CNGB1: variants seen among roughly 807,000 people sequenced by gnomAD.
The protein encoded by CNGB1 is cyclic nucleotide-gated channel beta-1.
In CNGB1, 126 loss-of-function variants were observed where a neutral mutation model predicts 151.7. The ratio of observed to expected loss-of-function variants is 0.83; its 90% CI spans 0.72 to 0.96. The LOEUF is 0.96. Ranked by LOEUF, CNGB1 falls within the 40% of genes least tolerant of loss-of-function variation. CNGB1 has a pLI of 0.00. For synonymous variants in CNGB1, 623 were observed against 635.1 expected, an observed-to-expected ratio of 0.98 and a Z score of 0.29; for missense variants, 1,698 against 1,627.0, an observed-to-expected ratio of 1.04 and a Z score of -0.75.
chr16:57,954,545 G>T, intron 12 of CNGB1: 1 of 354,018 alleles, frequency 2.8e-6, no homozygotes, highest in Non-Finnish European at 4.0e-6. Context: ...CCCAGCTCAG[G>T]ACCCCTGGCT....
At chr16:57,952,771 G>A (rs1458096663) in intron 12 of CNGB1, among the ~76,000 whole-genome samples, 1 of 152,096 alleles carries the variant, frequency 6.6e-6, no homozygotes, top group Non-Finnish European at 1.5e-5. Flanking sequence ...AAAGTGCTGG[G>A]ATGACAGGCA....
chr16:57,901,067 G>GC (rs1274732495), intron 29 of CNGB1, among the ~76,000 whole-genome samples: 1 of 152,070 alleles, frequency 6.6e-6, no homozygotes, highest in African/African-American at 2.4e-5. Context: ...GTTGGGGGGG[G>GC]GGTCTTTGTC....
intron 13 of CNGB1, among the ~76,000 whole-genome samples, chr16:57,950,020 A>G (rs925807270): frequency 1.1e-4 from 17 of 152,350 alleles, no homozygotes; most frequent in African/African-American, 3.1e-4. Context: ...CAGCCATATG[A>G]TGGAATACTA....
intron 16 of CNGB1, among the ~76,000 whole-genome samples, chr16:57,933,423 C>T: frequency 6.6e-6 from 1 of 152,164 alleles, no homozygotes. Context: ...GTACTGTGTC[C>T]CACATTCTGA....
At position 57,963,011 on chromosome 16, in the gene CNGB1, G is replaced by A. The variant is rs1464890085; in HGVS notation, c.344C>T (p.Pro115Leu). The A allele has an allele frequency of 1.2e-5, 19 of 1,613,430 alleles. No individual in the cohort carries two copies. Among genetic ancestry groups the A allele is most frequent in the Non-Finnish European group, 1.4e-5 (16 of 1,179,982 alleles). The change falls in exon 5 of 33, where the codon CCG becomes CTG. Residue 115 changes from proline to leucine, a missense_variant. Coordinates refer to ENST00000251102, the MANE Select transcript of CNGB1 (RefSeq NM_001297.5). ...WLMKGVEKVIPQPVHSITEDP... is the reference protein window; with the variant it reads ...WLMKGVEKVILQPVHSITEDP... ...CTCCGTGATGCTGTGAACAGGCTGCGGGATCACCTTCTCTACGCCCTTCAT... is the reference window on the plus strand; with the variant it reads ...CTCCGTGATGCTGTGAACAGGCTGCAGGATCACCTTCTCTACGCCCTTCAT...
chr16:57,922,964 G>A (rs776242322), intron 18 of CNGB1: 91 of 303,196 alleles, frequency 3.0e-4, no homozygotes, highest in Non-Finnish European at 3.5e-4. Flanking sequence ...TTCAGCAGCA[G>A]GAGCCCTGCA....
intron 14 of CNGB1, among the ~76,000 whole-genome samples, chr16:57,946,963 G>A (rs1277763846): frequency 2.0e-5 from 3 of 152,254 alleles, no homozygotes; most frequent in East Asian, 3.8e-4. Context: ...AGGCTGTCAC[G>A]TGGATGTGTG....
At position 57,911,739 on chromosome 16, in the gene CNGB1, G is replaced by A; in HGVS notation, c.2492+14C>T. On this transcript the variant is annotated intron_variant, in intron 25 of 32. Coordinates refer to ENST00000251102, the MANE Select transcript of CNGB1 (RefSeq NM_001297.5). The stretch of plus-strand genomic sequence containing the variant: ...TCACCCAGGCATGGCCCCAGGGGGA[G>A]GACTGTGGCTCACCTGTTTCCCACG... The A allele has an allele frequency of 1.2e-6, 2 of 1,613,708 alleles. No individual in the cohort carries two copies. The highest frequency in any genetic ancestry group is 1.1e-5 in the South Asian group (1 of 91,046).
At chr16:57,916,732 G>T (rs763396092) in intron 21 of CNGB1, among the ~76,000 whole-genome samples, 1 of 152,158 alleles carries the variant, frequency 6.6e-6, no homozygotes, top group South Asian at 2.1e-4. Flanking sequence ...TAAGGCAGGG[G>T]TGGTGCACGG....
At chr16:57,968,405 G>T (rs1392800119) in intron 1 of CNGB1, among the ~76,000 whole-genome samples, 1 of 152,150 alleles carries the variant, frequency 6.6e-6, no homozygotes, top group Non-Finnish European at 1.5e-5. Flanking sequence ...GCTGAGGCAT[G>T]AGAATCTCTT....
chr16:57,931,615 T>G, intron 17 of CNGB1, 101 bp downstream of exon 17: 2 of 1,368,236 alleles, frequency 1.5e-6, no homozygotes, highest in Non-Finnish European at 2.0e-6. Context: ...GCTGTGTGAT[T>G]TTAGTCCAGC....
Position 57,904,057 on chromosome 16 carries a change from G to T in CNGB1, c.2635-76C>A. The T allele has an allele frequency of 3.5e-6, 5 of 1,421,788 alleles. No individual in the cohort carries two copies. The South Asian group carries it at 4.8e-5, about 14-fold the overall frequency. The allele number at this position is 1,421,788 out of a possible 1,614,324, so 88.1% of individuals were successfully genotyped here. ...GGGCGCTATTCCATGGATTTGGGATGTGTCACTTCACACAGACCACGGGCA... is the reference window on the plus strand; with the variant it reads ...GGGCGCTATTCCATGGATTTGGGATTTGTCACTTCACACAGACCACGGGCA... On this transcript the variant is annotated intron_variant, in intron 26 of 32. Coordinates refer to ENST00000251102, the MANE Select transcript of CNGB1 (RefSeq NM_001297.5).
At chr16:57,925,376 A>C (rs1038376383) in intron 17 of CNGB1, among the ~76,000 whole-genome samples, 1 of 152,238 alleles carries the variant, frequency 6.6e-6, no homozygotes, top group Non-Finnish European at 1.5e-5. Context: ...TAATACAGGA[A>C]TTGAACCTGA....
At chr16:57,914,222 T>C (rs1441432382) in intron 23 of CNGB1, among the ~76,000 whole-genome samples, 2 of 152,194 alleles carry the variant, frequency 1.3e-5, no homozygotes, top group Non-Finnish European at 2.9e-5. Flanking sequence ...GGATCTCACC[T>C]CTGCGTCTGG....
chr16:57,941,765 A>C (rs1961674915), intron 14 of CNGB1, among the ~76,000 whole-genome samples: 1 of 152,202 alleles, frequency 6.6e-6, no homozygotes, highest in Non-Finnish European at 1.5e-5. Context: ...GAAAAGCTGA[A>C]AGCTTTTCCT....
At chr16:57,912,022 A>G in intron 24 of CNGB1, 147 bp from the exon 25 acceptor site, 1 of 1,040,220 alleles carries the variant, frequency 9.6e-7, no homozygotes, top group Non-Finnish European at 1.4e-6. Context: ...TGGTGCTTGA[A>G]TGGGGCGTTG....
Position 57,960,400 on chromosome 16 carries a change from G to A in CNGB1, c.583+82C>T, listed in dbSNP as rs1597013303. The A allele has an allele frequency of 2.0e-6, 3 of 1,535,526 alleles. No homozygotes were observed. In the East Asian group the frequency reaches 7.1e-5, roughly 37 times the overall value. ...TGGGTGGGGGCTAAGGGCCTCTGGG[G>A]GATCCTCCAGGGCCCAGTTGATCCC... On this transcript the variant is annotated intron_variant, in intron 9 of 32. Transcript: ENST00000251102.
At position 57,913,519 on chromosome 16, in the gene CNGB1, C is replaced by T. The variant is rs567010875; in HGVS notation, c.2305-525G>A. Among the ~76,000 whole-genome samples the T allele has an allele frequency of 1.9e-3, 288 of 152,182 alleles. 1 individual carries two copies. The highest frequency in any genetic ancestry group is 6.5e-3 in the African/African-American group (269 of 41,520). On this transcript the variant is annotated intron_variant, in intron 23 of 32. Coordinates refer to ENST00000251102, the MANE Select transcript of CNGB1 (RefSeq NM_001297.5). ...TTTCAGAGACAGAGTCTCACTCTGT[C>T]ACTCAGGCTGGAGTGCAGTGGTACA...
intron 16 of CNGB1, among the ~76,000 whole-genome samples, chr16:57,938,511 T>G (rs1961572451): frequency 6.6e-6 from 1 of 152,160 alleles, no homozygotes; most frequent in Admixed American, 6.5e-5. Context: ...CAGCAACCTG[T>G]GAGCTAGGTA....
Sources: allele counts gnomAD v4.1 joint callset (sites outside exome capture counted in the v4.1 genomes callset), GRCh38; gene constraint gnomAD v4.1.1; transcripts MANE v1.5; gene names NCBI Gene and HGNC (gene_info 2026-07-23, HGNC 2026-07-21).